ABI3: variants seen among roughly 807,000 people sequenced by gnomAD.
The protein encoded by ABI3 is ABI gene family member 3.
ABI3 carries 24 observed loss-of-function variants against 37.0 expected under a neutral mutation model. The ratio of observed to expected loss-of-function variants is 0.65; its 90% CI spans 0.47 to 0.91. ABI3 has a LOEUF of 0.91. Ranked by LOEUF, ABI3 falls within the 40% of genes least tolerant of loss-of-function variation. ABI3 has a pLI of 0.00. For synonymous variants in ABI3, 220 were observed against 211.8 expected (o/e 1.04, Z -0.34); for missense variants, 481 against 485.1 (o/e 0.99, Z 0.08).
intron 1 of ABI3, among the ~76,000 whole-genome samples, chr17:49,214,839 A>C (rs1008659106): frequency 6.6e-6 from 1 of 152,228 alleles, no homozygotes; most frequent in Non-Finnish European, 1.5e-5. Flanking sequence ...TGCCCAGAGA[A>C]TGTTTGGGTT....
Position 49,219,716 on chromosome 17 carries a change from C to A in ABI3, c.548+91C>A. ...CCAGCCTCGCCACCCACCCCTGGCG[C>A]CCCCGGGTGCTCAGGCCGTCATGCT... On this transcript the variant is annotated intron_variant, in intron 4 of 7. Coordinates refer to ENST00000225941, the MANE Select transcript of ABI3 (RefSeq NM_016428.3). This position sits in a 1 kb window ranked among gnomAD's most constrained non-coding sequence, Gnocchi z 4.3. 7.1e-7 allele frequency: 1 copy of A among 1,415,684 alleles called. No individual in the cohort carries two copies. 87.7% of individuals were successfully genotyped at this position (1,415,684 alleles called of 1,614,324 possible).
At position 49,219,860 on chromosome 17, in the gene ABI3, G is replaced by T. The variant is rs763877827; in HGVS notation, c.551G>T (p.Arg184Ile). The T allele has an allele frequency of 2.6e-5, 40 of 1,542,838 alleles. No individual in the cohort carries two copies. Among genetic ancestry groups the T allele is most frequent in the Non-Finnish European group, 3.3e-5 (38 of 1,149,250 alleles). The change falls in exon 5 of 8, where the codon AGA becomes ATA. Residue 184 changes from arginine to isoleucine, a missense_variant and splice_region_variant. Physicochemically the swap from Arg to Ile is moderately conservative, Grantham distance 97. Coordinates refer to ENST00000225941, the MANE Select transcript of ABI3 (RefSeq NM_016428.3). This position sits in a 1 kb window ranked among gnomAD's most constrained non-coding sequence, Gnocchi z 4.3. Reference sequence around the variant, plus strand: ...ACCCACTCCCTGCCCCCCGCCAGGAGACCACCCCGGATTCCCGAGCCAGTG... The same window carrying T: ...ACCCACTCCCTGCCCCCCGCCAGGATACCACCCCGGATTCCCGAGCCAGTG... ...PATPASATLG[R>I]PPRIPEPVHL...
intron 1 of ABI3, among the ~76,000 whole-genome samples, chr17:49,215,374 G>A (rs1295616101): frequency 6.6e-6 from 1 of 152,118 alleles, no homozygotes; most frequent in Non-Finnish European, 1.5e-5. Flanking sequence ...TATCCTCAGG[G>A]TATTGGAAAG....
At chr17:49,213,752 C>A (rs1380659645) in intron 1 of ABI3, among the ~76,000 whole-genome samples, 1 of 152,144 alleles carries the variant, frequency 6.6e-6, no homozygotes, top group African/African-American at 2.4e-5. Flanking sequence ...CTGTTTGGGC[C>A]AACAATTCCA....
Position 49,220,214 on chromosome 17 carries a change from A to C in ABI3, c.690A>C (p.Ala230=). 1 of 1,612,148 alleles carries C rather than the reference A, an allele frequency of 6.2e-7. No individual in the cohort carries two copies. The change falls in exon 6 of 8, where the codon GCA becomes GCC. Residue 230 remains alanine (A), a synonymous_variant. Transcript: ENST00000225941. The stretch of plus-strand genomic sequence containing the variant: ...GGGCCCCCACGCCCAAGGGGCAGGC[A>C]GCACCTCCAGCCCCACCTCTCCCCA... ...VGGAPTPKGQ[A]APPAPPLPSS...
intron 2 of ABI3, among the ~76,000 whole-genome samples, chr17:49,217,338 C>CA (rs2043229525): frequency 6.6e-6 from 1 of 152,104 alleles, no homozygotes; most frequent in Non-Finnish European, 1.5e-5. Flanking sequence ...GAGAGGAAGT[C>CA]AATTTACTTA....
chr17:49,223,026 C>A lies in ABI3; in HGVS notation c.*311C>A. ...AACAGATGATGTCCTGTGACTGCCC[C>A]ACAGAGATAAGGGGCCAGGAGGGAT... On this transcript the variant is annotated 3_prime_UTR_variant, in exon 8 of 8. Coordinates refer to ENST00000225941, the MANE Select transcript of ABI3 (RefSeq NM_016428.3). The A allele has an allele frequency of 2.0e-6, 1 of 488,598 alleles. No individual in the cohort carries two copies. The highest frequency in any genetic ancestry group is 4.2e-5 in the South Asian group (1 of 23,598). The allele number at this position is 488,598 out of a possible 1,614,324, so 30.3% of individuals were successfully genotyped here.
chr17:49,219,474 T>C lies in ABI3; in HGVS notation c.463-66T>C. ...CCGTCCGCCCCTCCTCCATTTCCTC[T>C]TGGGGATGAGGGTGGAGGGAGGCCC... On this transcript the variant is annotated intron_variant, in intron 3 of 7. Coordinates refer to ENST00000225941, the MANE Select transcript of ABI3 (RefSeq NM_016428.3). The surrounding 1 kb of genome is among the most constrained non-coding windows in gnomAD (Gnocchi z 4.3). 7.2e-7 allele frequency: 1 copy of C among 1,382,462 alleles called. No individual in the cohort carries two copies. The highest frequency in any genetic ancestry group is 2.2e-5 in the Admixed American group (1 of 46,104). The allele number at this position is 1,382,462 out of a possible 1,614,324, so 85.6% of individuals were successfully genotyped here. A position where few individuals can be genotyped will look rare whatever the true frequency, so the allele number is the denominator to read the frequency against.
Position 49,217,791 on chromosome 17 carries a change from C to T in ABI3, c.338C>T (p.Ala113Val), listed in dbSNP as rs2143527958. Residue 113 changes from alanine to valine, a missense_variant, in exon 3 of 8, where the codon GCC becomes GTC. Ala to Val is a moderately conservative substitution (Grantham distance 64). Coordinates refer to ENST00000225941, the MANE Select transcript of ABI3 (RefSeq NM_016428.3). ...KVARREIGTL[A>V]TVQRLPPGQK... Reference sequence around the variant, plus strand: ...GCCCGAAGGGAGATCGGCACCTTAGCCACTGTCCAGCGGCTGCCCCCCGGC... The same window carrying T: ...GCCCGAAGGGAGATCGGCACCTTAGTCACTGTCCAGCGGCTGCCCCCCGGC... 1 of 1,611,926 alleles carries T rather than the reference C, an allele frequency of 6.2e-7. No individual in the cohort carries two copies. Among genetic ancestry groups the T allele is most frequent in the Non-Finnish European group, 8.5e-7 (1 of 1,179,100 alleles).
At position 49,219,404 on chromosome 17, in the gene ABI3, A is replaced by G; in HGVS notation, c.463-136A>G. On this transcript the variant is annotated intron_variant, in intron 3 of 7. Coordinates refer to ENST00000225941, the MANE Select transcript of ABI3 (RefSeq NM_016428.3). This position sits in a 1 kb window ranked among gnomAD's most constrained non-coding sequence, Gnocchi z 4.3. The stretch of plus-strand genomic sequence containing the variant: ...GGGAAGTGTAGGAGAGGGGCCTGAG[A>G]AGTGGAAGTGGGAACTGGCTATGCC... The G allele has an allele frequency of 1.4e-6, 1 of 704,484 alleles. No individual in the cohort carries two copies. The allele number at this position is 704,484 out of a possible 1,614,324, so 43.6% of individuals were successfully genotyped here. A position where few individuals can be genotyped will look rare whatever the true frequency, so the allele number is the denominator to read the frequency against.
rs770794640 is a variant in ABI3, at chr17:49,217,713, C to CTGTCACCTT, written c.286-25_286-17dup. 29 of 1,588,770 alleles carry CTGTCACCTT rather than the reference C, an allele frequency of 1.8e-5. No homozygotes were observed. The East Asian group carries it at 6.7e-4, about 36-fold the overall frequency. On this transcript the variant is annotated intron_variant, in intron 2 of 7. Coordinates refer to ENST00000225941, the MANE Select transcript of ABI3 (RefSeq NM_016428.3). ...GGTGCTGGACACAGACCACCCCTCT[C>CTGTCACCTT]TGTCACCTTGAACCCTGTCATGCAG...
rs2043310901 is a variant in ABI3, at chr17:49,223,057, G to A, written c.*342G>A. On this transcript the variant is annotated 3_prime_UTR_variant, in exon 8 of 8. Coordinates refer to ENST00000225941, the MANE Select transcript of ABI3 (RefSeq NM_016428.3). ...GATAAGGGGCCAGGAGGGATTGAAA[G>A]GCATCCCAGTTCTAAGGCTGCTGCT... is the stretch of plus-strand genomic sequence containing the variant. The A allele has an allele frequency of 2.3e-6, 1 of 427,702 alleles. No individual in the cohort carries two copies. The highest frequency in any genetic ancestry group is 4.1e-6 in the Non-Finnish European group (1 of 242,424). The allele number at this position is 427,702 out of a possible 1,614,324, so 26.5% of individuals were successfully genotyped here. A position where few individuals can be genotyped will look rare whatever the true frequency, so the allele number is the denominator to read the frequency against.
intron 3 of ABI3, 83 bp downstream of exon 3, chr17:49,217,998 C>G: frequency 7.4e-7 from 1 of 1,357,968 alleles, no homozygotes; most frequent in Non-Finnish European, 9.8e-7. Flanking sequence ...CCCAGTTCTG[C>G]AAGTTTTGTC....
rs1598235790 is a variant in ABI3, at chr17:49,210,749, G to A, written c.25G>A (p.Glu9Lys). 6.4e-7 allele frequency: 1 copy of A among 1,556,644 alleles called. No homozygotes were observed. Among genetic ancestry groups the A allele is most frequent in the East Asian group, 2.4e-5 (1 of 41,316 alleles). Residue 9 changes from glutamate to lysine, a missense_variant, in exon 1 of 8, where the codon GAG becomes AAG. Transcript: ENST00000225941. This position sits in a 1 kb window ranked among gnomAD's most constrained non-coding sequence, Gnocchi z 4.2. MAELQQLQ[E>K]FEIPTGREAL... ...GATGGCGGAGCTACAGCAGCTGCAG[G>A]AGTTTGAGATCCCCACTGGCCGGGA... is the stretch of plus-strand genomic sequence containing the variant.
rs927253566 is a variant in ABI3, at chr17:49,222,891, C to T, written c.*176C>T. 2.1e-5 allele frequency: 15 copies of T among 723,226 alleles called. No homozygotes were observed. The African/African-American group carries it at 2.5e-4, about 12-fold the overall frequency. The allele number at this position is 723,226 out of a possible 1,614,324, so 44.8% of individuals were successfully genotyped here. On this transcript the variant is annotated 3_prime_UTR_variant, in exon 8 of 8. Coordinates refer to ENST00000225941, the MANE Select transcript of ABI3 (RefSeq NM_016428.3). ...GGGTCCTGGGGAGAGAGAATTTATC[C>T]AGAGGCCTGCTGCAGATGGGGAAGA...
chr17:49,223,037 G>C lies in ABI3; in HGVS notation c.*322G>C, dbSNP rs187442799. On this transcript the variant is annotated 3_prime_UTR_variant, in exon 8 of 8. Transcript: ENST00000225941. ...TCCTGTGACTGCCCCACAGAGATAA[G>C]GGGCCAGGAGGGATTGAAAGGCATC... The C allele has an allele frequency of 2.3e-6, 1 of 442,330 alleles. No homozygotes were observed. The highest frequency in any genetic ancestry group is 2.0e-5 in the African/African-American group (1 of 50,524). 27.4% of individuals were successfully genotyped at this position (442,330 alleles called of 1,614,324 possible).
chr17:49,218,162 C>G (rs972039355), intron 3 of ABI3, among the ~76,000 whole-genome samples: 2 of 152,224 alleles, frequency 1.3e-5, no homozygotes, highest in African/African-American at 4.8e-5. Context: ...CCCTCGCCCC[C>G]CCGCCCTGCC....
chr17:49,218,562 C>A (rs1482349401), intron 3 of ABI3, among the ~76,000 whole-genome samples: 2 of 152,090 alleles, frequency 1.3e-5, no homozygotes, highest in Non-Finnish European at 2.9e-5. Flanking sequence ...TCCCCTTCAA[C>A]CACCAGGCCT....
Position 49,217,850 on chromosome 17 carries a change from C to CGGCCAGTAGG in ABI3, c.397_398insGGCCAGTAGG (p.Leu133ArgfsTer158). On this transcript the variant is annotated frameshift_variant, in exon 3 of 8. Transcript: ENST00000225941. LOFTEE classifies it high-confidence loss of function. ...CATCGCCCCAGAGAACCTACCCCCT[C>CGGCCAGTAGG]TCACGCCCTACTGCAGGAGACCCCT... is the stretch of plus-strand genomic sequence containing the variant. 1 of 1,605,966 alleles carries CGGCCAGTAGG rather than the reference C, an allele frequency of 6.2e-7. No homozygotes were observed.
Sources: allele counts gnomAD v4.1 joint callset (sites outside exome capture counted in the v4.1 genomes callset), GRCh38; gene constraint gnomAD v4.1.1; non-coding constraint Gnocchi (gnomAD v3.1); transcripts MANE v1.5; gene names NCBI Gene and HGNC (gene_info 2026-07-23, HGNC 2026-07-21).